Variants in HELQ observed in about 807,000 individuals in gnomAD.
HELQ encodes the protein helicase POLQ-like.
Under a neutral mutation model 111.6 loss-of-function variants are expected in HELQ, and 77 were observed. The ratio of observed to expected loss-of-function variants is 0.69; its 90% confidence interval spans 0.57 to 0.83. The LOEUF is 0.83. HELQ is among the 40% of genes least tolerant of loss of function. The pLI, the probability that HELQ is intolerant of heterozygous loss-of-function variation, is 0.00. For synonymous variants in HELQ, 438 were observed against 454.7 expected, an observed-to-expected ratio of 0.96 and a Z score of 0.47; for missense variants, 1,200 against 1,288.5, an observed-to-expected ratio of 0.93 and a Z score of 1.05.
intron 17 of HELQ, among the ~76,000 whole-genome samples, chr4:83,408,587 C>CT (rs2109955797): frequency 6.7e-6 from 1 of 149,668 alleles, no homozygotes; most frequent in South Asian, 2.1e-4. Context: ...ATTTAAAAAG[C>CT]TTTTTTTGTA....
intron 17 of HELQ, among the ~76,000 whole-genome samples, chr4:83,410,289 A>C (rs11942068): frequency 0.21 from 32,113 of 152,112 alleles, 6,175 homozygotes; most frequent in African/African-American, 0.51. Context: ...AGGAGAGGAA[A>C]TAAAATGGAA....
intron 14 of HELQ, among the ~76,000 whole-genome samples, chr4:83,424,251 A>T (rs951853634): frequency 1.3e-5 from 2 of 152,204 alleles, no homozygotes; most frequent in African/African-American, 4.8e-5. Context: ...TTATTTGATA[A>T]TTAGTTCCAA....
At chr4:83,451,046 C>T (rs1371231011) in intron 2 of HELQ, among the ~76,000 whole-genome samples, 2 of 152,180 alleles carry the variant, frequency 1.3e-5, no homozygotes, top group Non-Finnish European at 2.9e-5. Flanking sequence ...CACTTGAGAA[C>T]CACCGCTTTA....
chr4:83,421,119 A>T (rs1216544337), intron 15 of HELQ, among the ~76,000 whole-genome samples: 2 of 152,114 alleles, frequency 1.3e-5, no homozygotes, highest in Non-Finnish European at 2.9e-5. Flanking sequence ...TCAAAATTAA[A>T]TTTTTTTAAA....
intron 13 of HELQ, among the ~76,000 whole-genome samples, chr4:83,427,169 T>A (rs1469324683): frequency 6.6e-6 from 1 of 152,206 alleles, no homozygotes; most frequent in Non-Finnish European, 1.5e-5. Flanking sequence ...CCACGGATAA[T>A]CTTTTTTTCT....
Position 83,421,141 on chromosome 4 carries a change from G to A in HELQ, c.2949+422C>T, listed in dbSNP as rs1457479693. 4.6e-5 allele frequency among the ~76,000 whole-genome samples: 7 copies of A among 152,230 alleles called. No individual in the cohort carries two copies. The East Asian group carries it at 1.4e-3, about 29-fold the overall frequency. On this transcript the variant is annotated intron_variant, in intron 15 of 17. Transcript: ENST00000295488. The stretch of plus-strand genomic sequence containing the variant: ...TAAATTTTTTTAAAAAGAGAATATG[G>A]TACTAAATAGTCACATGGTAGCTGT...
chr4:83,436,858 C>G lies in HELQ; in HGVS notation c.2048G>C (p.Arg683Thr). Residue 683 changes from arginine to threonine, a missense_variant and splice_region_variant, in exon 9 of 18, where the codon AGA becomes ACA. Physicochemically the swap from Arg to Thr is moderately conservative, Grantham distance 71. Transcript: ENST00000295488. ...LAAGVNLPAR[R>T]VILRAPYVAK... ...TGGTCAACACTTACTTATCTCTTAC[C>G]TTCGAGCTGGTAGGTTGACACCTGC... 1 of 1,612,286 alleles carries G rather than the reference C, an allele frequency of 6.2e-7. No homozygotes were observed. Among genetic ancestry groups the G allele is most frequent in the African/African-American group, 1.3e-5 (1 of 74,988 alleles).
In HELQ at chr4:83,448,971, TAA is replaced by T. The variant is rs10718573; in HGVS notation, c.1013-12_1013-11del. 4.8e-3 allele frequency: 6,347 copies of T among 1,325,338 alleles called. No homozygotes were observed. The highest frequency in any genetic ancestry group is 0.013 in the South Asian group (852 of 67,296). 82.1% of individuals were successfully genotyped at this position (1,325,338 alleles called of 1,614,324 possible). A position where few individuals can be genotyped will look rare whatever the true frequency, so the allele number is the denominator to read the frequency against. On this transcript the variant is annotated splice_polypyrimidine_tract_variant and intron_variant, in intron 2 of 17. Coordinates refer to ENST00000295488, the MANE Select transcript of HELQ (RefSeq NM_133636.5). ...CAAGTATGTTGCCATTCTGTGGAAT[TAA>T]AAAAAAAAAGGCATTATTTTCCCCT... is the stretch of plus-strand genomic sequence containing the variant.
At position 83,446,024 on chromosome 4, in the gene HELQ, G is replaced by A; in HGVS notation, c.1455C>T (p.Leu485=). The A allele has an allele frequency of 1.2e-6, 2 of 1,606,486 alleles. No homozygotes were observed. Among genetic ancestry groups the A allele is most frequent in the Non-Finnish European group, 1.7e-6 (2 of 1,173,298 alleles). The change falls in exon 5 of 18, where the codon CTC becomes CTT. Residue 485 remains leucine, a synonymous_variant. Transcript: ENST00000295488. ...ATLEMTLAKI[L]YTSKTTQIIG... ...TGAAAAAATACTTACTGCTAGTGTA[G>A]AGGATTTTTGCTAGGGTCATTTCCA...
At chr4:83,453,093 G>A (rs886560492) in intron 2 of HELQ, 138 bp downstream of exon 2, 1 of 604,214 alleles carries the variant, frequency 1.7e-6, no homozygotes, top group Non-Finnish European at 2.9e-6. Flanking sequence ...AGGAATGGAA[G>A]GGGCTGAGAG....
chr4:83,429,546 C>T lies in HELQ; in HGVS notation c.2496G>A (p.Lys832=). Reference sequence around the variant, plus strand: ...TACCCTTAAATGAAGCACGTCCCAACTTTGTAATATGAAAATTATATTGGA... The same window carrying T: ...TACCCTTAAATGAAGCACGTCCCAATTTTGTAATATGAAAATTATATTGGA... ...EEVQYNFHIT[K]LGRASFKGTI... Residue 832 remains lysine (K), a synonymous_variant, in exon 12 of 18, where the codon AAG becomes AAA. Coordinates refer to ENST00000295488, the MANE Select transcript of HELQ (RefSeq NM_133636.5). The T allele has an allele frequency of 1.2e-6, 2 of 1,607,450 alleles. No individual in the cohort carries two copies. The highest frequency in any genetic ancestry group is 1.7e-6 in the Non-Finnish European group (2 of 1,175,926).
In HELQ at chr4:83,453,609, C is replaced by A. The variant is rs1488827610; in HGVS notation, c.634G>T (p.Asp212Tyr). The A allele has an allele frequency of 3.1e-6, 5 of 1,612,642 alleles. No individual in the cohort carries two copies. The East Asian group carries it at 6.7e-5, about 22-fold the overall frequency. The change falls in exon 2 of 18, where the codon GAT becomes TAT. Residue 212 changes from aspartate to tyrosine, a missense_variant. Transcript: ENST00000295488. ...TCTTTCATAGAATGATCACCCAAAT[C>A]ATTTGAAGAGTTCTGCAAATTTTCA... The part of the protein sequence containing the change: ...YFENLQNSSN[D>Y]LGDHSMKERD...
intron 14 of HELQ, among the ~76,000 whole-genome samples, chr4:83,423,711 G>C (rs2109976581): frequency 6.6e-6 from 1 of 152,262 alleles, no homozygotes; most frequent in South Asian, 2.1e-4. Flanking sequence ...AGGAGTTTAA[G>C]ATCAGCCTGG....
chr4:83,412,898 G>T (rs1406606279), intron 17 of HELQ, among the ~76,000 whole-genome samples: 1 of 152,220 alleles, frequency 6.6e-6, no homozygotes, highest in African/African-American at 2.4e-5. Context: ...TGCACAGAGA[G>T]GCCAGAAGAA....
chr4:83,440,029 G>A (rs1720684373), intron 7 of HELQ, 21 bp from the exon 8 acceptor site: 1 of 1,590,616 alleles, frequency 6.3e-7, no homozygotes, highest in African/African-American at 1.4e-5. Context: ...ACAAGATGTA[G>A]GAACAAAGTG....
chr4:83,436,720 A>T, intron 9 of HELQ, 138 bp downstream of exon 9: 1 of 772,386 alleles, frequency 1.3e-6, no homozygotes, highest in Non-Finnish European at 2.0e-6. Flanking sequence ...AAAATAAACC[A>T]ACCAATCAAC....
At chr4:83,432,085 GAA>G in intron 10 of HELQ, 39 bp downstream of exon 10, 4 of 1,447,054 alleles carry the variant, frequency 2.8e-6, no homozygotes, top group Non-Finnish European at 3.7e-6. Flanking sequence ...CAACAACCAA[GAA>G]AAAGACAAAA....
intron 11 of HELQ, among the ~76,000 whole-genome samples, chr4:83,431,395 C>T (rs527374251): frequency 3.9e-5 from 6 of 151,960 alleles, no homozygotes; most frequent in Non-Finnish European, 7.4e-5. Flanking sequence ...TGGGCTCAAA[C>T]GATCCTCCTG....
intron 17 of HELQ, among the ~76,000 whole-genome samples, chr4:83,411,450 G>T (rs1003841947): frequency 2.2e-4 from 33 of 150,130 alleles, no homozygotes; most frequent in Non-Finnish European, 4.9e-4. Flanking sequence ...ATTTAAAAAG[G>T]TAATTTAGTT....
Sources: gnomAD v4.1 joint callset for allele counts (sites outside exome capture counted in the v4.1 genomes callset) on GRCh38, gnomAD v4.1.1 for gene constraint, MANE v1.5 for transcripts, NCBI Gene and HGNC (gene_info 2026-07-23, HGNC 2026-07-21) for gene names.